FAM163A: variants seen among roughly 807,000 people sequenced by gnomAD.
FAM163A encodes the protein protein FAM163A.
Under a neutral mutation model 12.0 loss-of-function variants are expected in FAM163A, and 7 were observed. The ratio of observed to expected loss-of-function variants is 0.58; its 90% CI spans 0.33 to 1.10. The LOEUF (loss-of-function observed/expected upper bound fraction) is 1.10. FAM163A is among the 50% of genes least tolerant of loss of function. The probability of loss-of-function intolerance (pLI) is 0.03; values close to 1 mark genes in which losing one functional copy is unlikely to be tolerated. For missense variants in FAM163A, 202 were observed against 218.6 expected, an observed-to-expected ratio of 0.92 and a Z score of 0.48; for synonymous variants, 101 against 91.0, an observed-to-expected ratio of 1.11 and a Z score of -0.62.
intron 1 of FAM163A, among the ~76,000 whole-genome samples, chr1:179,804,793 G>A (rs1475551825): frequency 1.3e-5 from 2 of 152,118 alleles, no homozygotes; most frequent in African/African-American, 4.8e-5. Flanking sequence ...ATGCATACTG[G>A]GGCCTAATTA....
chr1:179,744,544 C>T (rs993500852), intron 1 of FAM163A, among the ~76,000 whole-genome samples: 1 of 152,178 alleles, frequency 6.6e-6, no homozygotes, highest in African/African-American at 2.4e-5. Context: ...CCTCGGTCAG[C>T]GCCCTTTGGC....
chr1:179,761,594 T>C (rs1247699373), intron 1 of FAM163A, among the ~76,000 whole-genome samples: 2 of 152,196 alleles, frequency 1.3e-5, no homozygotes, highest in African/African-American at 2.4e-5. Context: ...TCCAAGAGCT[T>C]CCCAGCTGAC....
At chr1:179,811,972 T>TC (rs1694763441) in intron 2 of FAM163A, 138 bp from the exon 3 acceptor site, 1 of 152,536 alleles carries the variant, frequency 6.6e-6, no homozygotes, top group Non-Finnish European at 1.5e-5. Flanking sequence ...GGACTTGGGG[T>TC]CTGTGGGCTC....
At chr1:179,813,048 G>T (rs913081457) in intron 3 of FAM163A, 28 bp from the exon 4 acceptor site, 12 of 1,545,312 alleles carry the variant, frequency 7.8e-6, no homozygotes, top group Non-Finnish European at 9.6e-6. Flanking sequence ...GCCACAGCTG[G>T]TCCTCAGCCC....
Position 179,814,046 on chromosome 1 carries a change from A to T in FAM163A, c.361A>T (p.Arg121Trp). 5 of 1,613,644 alleles carry T rather than the reference A, an allele frequency of 3.1e-6. No homozygotes were observed. Among genetic ancestry groups the T allele is most frequent in the Non-Finnish European group, 4.2e-6 (5 of 1,179,790 alleles). The change falls in exon 5 of 5, where the codon AGG becomes TGG. Residue 121 changes from arginine to tryptophan, a missense_variant. Arg to Trp is a moderately radical substitution (Grantham distance 101). Coordinates refer to ENST00000341785, the MANE Select transcript of FAM163A (RefSeq NM_173509.3). ...GGTGCCCAATGGGGGTGGAGGCGAG[A>T]GGCTCTCCTTTGCTCCCACATACTA... is the stretch of plus-strand genomic sequence containing the variant. ...DMVPNGGGGE[R>W]LSFAPTYYKE... is the part of the protein sequence containing the mutation.
At chr1:179,777,078 C>T (rs1189563951) in intron 1 of FAM163A, among the ~76,000 whole-genome samples, 1 of 152,174 alleles carries the variant, frequency 6.6e-6, no homozygotes, top group Non-Finnish European at 1.5e-5. Context: ...TGAGTAGCAT[C>T]GGATTGTATG....
rs1695111444 is a variant in FAM163A at position 179,814,332 on chromosome 1, G to A, written c.*143G>A. The A allele has an allele frequency of 5.1e-6, 6 of 1,165,574 alleles. No individual in the cohort carries two copies. The highest frequency in any genetic ancestry group is 7.0e-6 in the Non-Finnish European group (6 of 855,064). 72.2% of individuals were successfully genotyped at this position (1,165,574 alleles called of 1,614,324 possible). On this transcript the variant is annotated 3_prime_UTR_variant, in exon 5 of 5. Transcript: ENST00000341785. ...CGCTCCGCAGTGGAGGGTTTACTAG[G>A]ATTTAAGCTTTTGAGTGCATTGAGA... is the stretch of plus-strand genomic sequence containing the variant.
the FAM163A span, chr1:179,730,533 C>T: frequency 5.3e-5 from 8 of 152,198 alleles, no homozygotes; most frequent in Non-Finnish European, 1.2e-4. Context: ...AAAGTAGAAA[C>T]TAGTCCATGG....
chr1:179,813,733 G>C lies in FAM163A; in HGVS notation c.94-46G>C, dbSNP rs762324889. 1.9e-6 allele frequency: 3 copies of C among 1,607,866 alleles called. No individual in the cohort carries two copies. The Admixed American group carries it at 5.0e-5, about 27-fold the overall frequency. On this transcript the variant is annotated intron_variant, in intron 4 of 4. Coordinates refer to ENST00000341785, the MANE Select transcript of FAM163A (RefSeq NM_173509.3). The stretch of plus-strand genomic sequence containing the variant: ...TGCACGCTCAAAAATGCATGGGGCG[G>C]GGGGAGCATTCACCCTCTCAGGCAT...
intron 1 of FAM163A, among the ~76,000 whole-genome samples, chr1:179,781,468 C>G (rs985026172): frequency 6.6e-6 from 1 of 151,902 alleles, no homozygotes; most frequent in African/African-American, 2.4e-5. Context: ...CTCTGACCCC[C>G]GAGAAAGGGG....
At chr1:179,757,245 A>G (rs962482507) in intron 1 of FAM163A, among the ~76,000 whole-genome samples, 24 of 152,300 alleles carry the variant, frequency 1.6e-4, no homozygotes, top group African/African-American at 5.3e-4. Flanking sequence ...ACCGAAAGGT[A>G]GAGTGGAGAT....
At chr1:179,799,674 G>T in intron 1 of FAM163A, among the ~76,000 whole-genome samples, 1 of 152,228 alleles carries the variant, frequency 6.6e-6, no homozygotes, top group Non-Finnish European at 1.5e-5. Flanking sequence ...AACATTGTTA[G>T]GAAAGGCAGA....
At chr1:179,749,131 G>C (rs1339790110) in intron 1 of FAM163A, among the ~76,000 whole-genome samples, 1 of 152,194 alleles carries the variant, frequency 6.6e-6, no homozygotes. Flanking sequence ...TTCGAGTTCT[G>C]CCTCAGCATT....
chr1:179,801,069 C>A (rs1160119847), intron 1 of FAM163A, among the ~76,000 whole-genome samples: 1 of 152,150 alleles, frequency 6.6e-6, no homozygotes, highest in African/African-American at 2.4e-5. Context: ...CCACTGAATT[C>A]TTCTTGCTGT....
chr1:179,794,108 C>G (rs1280170102), intron 1 of FAM163A, among the ~76,000 whole-genome samples: 1 of 152,230 alleles, frequency 6.6e-6, no homozygotes, highest in Non-Finnish European at 1.5e-5. Context: ...GCTGCCCTTA[C>G]TCTCACACTC....
At chr1:179,794,594 A>G (rs1692003197) in intron 1 of FAM163A, among the ~76,000 whole-genome samples, 1 of 152,202 alleles carries the variant, frequency 6.6e-6, no homozygotes, top group Non-Finnish European at 1.5e-5. Flanking sequence ...ACTAATTTTA[A>G]AAAGACAGTA....
At chr1:179,731,200 A>C in the FAM163A span, among the ~76,000 whole-genome samples, 1 of 152,222 alleles carries the variant, frequency 6.6e-6, no homozygotes, top group South Asian at 2.1e-4. Context: ...CAGTCAGGGG[A>C]CAAATATATT....
chr1:179,764,444 C>T (rs546675710), intron 1 of FAM163A, among the ~76,000 whole-genome samples: 1 of 152,266 alleles, frequency 6.6e-6, no homozygotes, highest in East Asian at 1.9e-4. Flanking sequence ...GGTTGTGCAA[C>T]CTCTCATTCA....
rs1695059447 is a variant in FAM163A at position 179,814,023 on chromosome 1, T to C, written c.338T>C (p.Val113Ala). 2 of 1,613,130 alleles carry C rather than the reference T, an allele frequency of 1.2e-6. No individual in the cohort carries two copies. The highest frequency in any genetic ancestry group is 1.7e-6 in the Non-Finnish European group (2 of 1,179,438). Reference protein sequence around the residue: ...SPFYIRTADMVPNGGGGERLS... With the variant: ...SPFYIRTADMAPNGGGGERLS... Reference sequence around the variant, plus strand: ...TTTTACATACGGACGGCTGACATGGTGCCCAATGGGGGTGGAGGCGAGAGG... The same window carrying C: ...TTTTACATACGGACGGCTGACATGGCGCCCAATGGGGGTGGAGGCGAGAGG... The change falls in exon 5 of 5, where the codon GTG becomes GCG. Residue 113 changes from valine (V) to alanine (A), a missense_variant. Physicochemically the swap from Val to Ala is moderately conservative, Grantham distance 64. Transcript: ENST00000341785.
Sources: allele counts gnomAD v4.1 joint callset (sites outside exome capture counted in the v4.1 genomes callset), GRCh38; gene constraint gnomAD v4.1.1; transcripts MANE v1.5; gene names NCBI Gene and HGNC (gene_info 2026-07-23, HGNC 2026-07-21).